The following SV2B variants were observed in gnomAD, a reference collection of about 807,000 sequenced individuals.
The protein encoded by SV2B is synaptic vesicle glycoprotein 2B, also known as solute carrier family 22 member B2.
In SV2B, 41 loss-of-function variants were observed where a neutral mutation model predicts 73.9. The ratio of observed to expected loss-of-function variants is 0.56; its 90% confidence interval spans 0.43 to 0.72. SV2B has a LOEUF of 0.72. Ranked by LOEUF, SV2B falls within the 30% of genes least tolerant of loss-of-function variation. The pLI, the probability that SV2B is intolerant of heterozygous loss-of-function variation, is 0.00. For missense variants in SV2B, 764 were observed against 857.8 expected, an observed-to-expected ratio of 0.89 and a Z score of 1.37; for synonymous variants, 314 against 314.2, an observed-to-expected ratio of 1.00 and a Z score of 0.01.
intron 1 of SV2B, among the ~76,000 whole-genome samples, chr15:91,166,505 A>G (rs911266429): frequency 2.0e-5 from 3 of 151,972 alleles, no homozygotes; most frequent in Non-Finnish European, 2.9e-5. Flanking sequence ...TTTGAAGAGT[A>G]TTTACTCATT....
At chr15:91,222,593 A>G (rs1402427109) in intron 1 of SV2B, among the ~76,000 whole-genome samples, 1 of 152,140 alleles carries the variant, frequency 6.6e-6, no homozygotes, top group Non-Finnish European at 1.5e-5. Flanking sequence ...CTCAGTGTCA[A>G]TGTGAGCTCT....
chr15:91,215,515 CA>C lies in SV2B; in HGVS notation c.-391-10357del, dbSNP rs910840573. 3.3e-5 allele frequency among the ~76,000 whole-genome samples: 5 copies of C among 152,258 alleles called. No homozygotes were observed. The South Asian group carries it at 6.2e-4, about 19-fold the overall frequency. Reference sequence around the variant, plus strand: ...AGAGAGAGAGAGAAAATACACTTTTCAGGGGGGAATTGGCAAACATTAACAT... The same window carrying C: ...AGAGAGAGAGAGAAAATACACTTTTCGGGGGGAATTGGCAAACATTAACAT... On this transcript the variant is annotated intron_variant, in intron 1 of 12. Coordinates refer to ENST00000394232, the MANE Select transcript of SV2B (RefSeq NM_001323032.3).
chr15:91,267,715 A>C lies in SV2B; in HGVS notation c.1208+72A>C. The C allele has an allele frequency of 8.1e-7, 1 of 1,233,006 alleles. No individual in the cohort carries two copies. Among genetic ancestry groups the C allele is most frequent in the Non-Finnish European group, 1.2e-6 (1 of 853,620 alleles). 76.4% of individuals were successfully genotyped at this position (1,233,006 alleles called of 1,614,324 possible). On this transcript the variant is annotated intron_variant, in intron 8 of 12. Transcript: ENST00000394232. The surrounding 1 kb of genome is among the most constrained non-coding windows in gnomAD (Gnocchi z 4.3). ...GCCTCCTTTACACATTGAGGATTACAGTGAGTTCTGACTTAGAATTTGTAT... is the reference window on the plus strand; with the variant it reads ...GCCTCCTTTACACATTGAGGATTACCGTGAGTTCTGACTTAGAATTTGTAT...
chr15:91,134,989 C>G (rs952368595), intron 1 of SV2B, among the ~76,000 whole-genome samples: 10 of 141,654 alleles, frequency 7.1e-5, no homozygotes, highest in African/African-American at 2.5e-4. Flanking sequence ...AACAGTATTT[C>G]TCAACCTTTT....
At position 91,103,975 on chromosome 15, in the gene SV2B, T is replaced by C. The variant is rs1454131441; in HGVS notation, c.-392+3612T>C. ...TGTGTGGCTTGGCTGGTGGGTCTTC[T>C]TCCTGCAGACCCCTGTCATAACAGC... On this transcript the variant is annotated intron_variant, in intron 1 of 12. Coordinates refer to ENST00000394232, the MANE Select transcript of SV2B (RefSeq NM_001323032.3). 2.6e-5 allele frequency among the ~76,000 whole-genome samples: 4 copies of C among 152,184 alleles called. No individual in the cohort carries two copies. The East Asian group carries it at 5.8e-4, about 22-fold the overall frequency.
At chr15:91,219,908 T>G (rs2046161037) in intron 1 of SV2B, among the ~76,000 whole-genome samples, 1 of 152,270 alleles carries the variant, frequency 6.6e-6, no homozygotes, top group Non-Finnish European at 1.5e-5. Flanking sequence ...TTTAGCTTCT[T>G]TCATTTGACG....
In SV2B at chr15:91,253,319, G is replaced by T. The variant is rs948129372; in HGVS notation, c.784+799G>T. Among the ~76,000 whole-genome samples, 1 of 152,182 alleles carries T rather than the reference G, an allele frequency of 6.6e-6. No individual in the cohort carries two copies. The highest frequency in any genetic ancestry group is 1.5e-5 in the Non-Finnish European group (1 of 68,034). On this transcript the variant is annotated intron_variant, in intron 4 of 12. Coordinates refer to ENST00000394232, the MANE Select transcript of SV2B (RefSeq NM_001323032.3). The surrounding 1 kb of genome is among the most constrained non-coding windows in gnomAD (Gnocchi z 5.0). The stretch of plus-strand genomic sequence containing the variant: ...CAGTGGTTTAGAATCCTCAGACCCC[G>T]AGGGGGTAGCAGACAGCTGCCCCTG...
rs2141177026 is a variant in SV2B at position 91,137,960 on chromosome 15, C to T, written c.-392+37597C>T. Reference sequence around the variant, plus strand: ...GGAATTTGCTCTTTATAGAAGTATTCCAGCTGACAAATGAAAAAACAGTGA... The same window carrying T: ...GGAATTTGCTCTTTATAGAAGTATTTCAGCTGACAAATGAAAAAACAGTGA... On this transcript the variant is annotated intron_variant, in intron 1 of 12. Transcript: ENST00000394232. The surrounding 1 kb of genome is among the most constrained non-coding windows in gnomAD (Gnocchi z 4.9). Among the ~76,000 whole-genome samples, 1 of 152,174 alleles carries T rather than the reference C, an allele frequency of 6.6e-6. No individual in the cohort carries two copies. The highest frequency in any genetic ancestry group is 1.5e-5 in the Non-Finnish European group (1 of 68,006).
intron 1 of SV2B, among the ~76,000 whole-genome samples, chr15:91,205,514 C>T (rs1425819196): frequency 6.6e-6 from 1 of 151,848 alleles, no homozygotes; most frequent in African/African-American, 2.4e-5. Flanking sequence ...TACAGGTGTG[C>T]ACCACCATGC....
At chr15:91,112,385 C>G (rs1314367460) in intron 1 of SV2B, among the ~76,000 whole-genome samples, 1 of 152,162 alleles carries the variant, frequency 6.6e-6, no homozygotes, top group East Asian at 1.9e-4. Flanking sequence ...AAGCAGACCA[C>G]AAGTTTGGTT....
chr15:91,272,495 T>G (rs1020779187), intron 9 of SV2B, among the ~76,000 whole-genome samples: 1 of 152,106 alleles, frequency 6.6e-6, no homozygotes, highest in African/African-American at 2.4e-5. Context: ...CAGGAAGTAA[T>G]GTCTTACTCC....
At position 91,129,878 on chromosome 15, in the gene SV2B, C is replaced by T. The variant is rs187009463; in HGVS notation, c.-392+29515C>T. On this transcript the variant is annotated intron_variant, in intron 1 of 12. Transcript: ENST00000394232. The surrounding 1 kb of genome is among the most constrained non-coding windows in gnomAD (Gnocchi z 5.1). ...AAGAGAGACAAGAAGAGTACTCATG[C>T]GGGGATCTCGGGAGGGTTAAGTGAG... 8.5e-5 allele frequency among the ~76,000 whole-genome samples: 13 copies of T among 152,198 alleles called. 2 individuals are homozygous for T. Among genetic ancestry groups the T allele is most frequent in the African/African-American group, 2.6e-4 (11 of 41,536 alleles).
chr15:91,209,114 GT>G (rs903531189), intron 1 of SV2B, among the ~76,000 whole-genome samples: 7,411 of 89,988 alleles, frequency 0.082, 117 homozygotes, highest in African/African-American at 0.17. Context: ...ACTGTTTTTT[GT>G]TTTTTTTTTT....
intron 4 of SV2B, among the ~76,000 whole-genome samples, chr15:91,256,777 C>A (rs901575511): frequency 6.6e-6 from 1 of 152,096 alleles, no homozygotes; most frequent in Admixed American, 6.5e-5. Flanking sequence ...ATTTCCACAC[C>A]GGGATTCCCT....
intron 1 of SV2B, among the ~76,000 whole-genome samples, chr15:91,162,492 C>G (rs917671733): frequency 2.6e-5 from 4 of 151,342 alleles, no homozygotes; most frequent in Non-Finnish European, 4.4e-5. Flanking sequence ...TCTTGTGTAA[C>G]AAATTACCAC....
chr15:91,286,973 GT>G, intron 11 of SV2B, among the ~76,000 whole-genome samples: 1 of 152,312 alleles, frequency 6.6e-6, no homozygotes, highest in South Asian at 2.1e-4. Flanking sequence ...GTTATGAAGT[GT>G]TTGCCAGCAT....
At chr15:91,101,144 T>C (rs2041711590) in intron 1 of SV2B, among the ~76,000 whole-genome samples, 1 of 151,862 alleles carries the variant, frequency 6.6e-6, no homozygotes. Flanking sequence ...GCAGCCCCAG[T>C]GGGGTGGGGT....
rs2046572250 is a variant in SV2B, at chr15:91,231,511, T to TA, written c.451+4800dup. On this transcript the variant is annotated intron_variant, in intron 2 of 12. Transcript: ENST00000394232. The surrounding 1 kb of genome is among the most constrained non-coding windows in gnomAD (Gnocchi z 4.5). ...CTTGTCTCCCTGGAGCTATTACTAT[T>TA]AAATGGCAAAAACTGCAATTACTTT... Among the ~76,000 whole-genome samples the TA allele has an allele frequency of 6.6e-6, 1 of 152,206 alleles. No homozygotes were observed. The highest frequency in any genetic ancestry group is 1.5e-5 in the Non-Finnish European group (1 of 68,036).
intron 1 of SV2B, among the ~76,000 whole-genome samples, chr15:91,149,380 G>A (rs2043241144): frequency 6.6e-6 from 1 of 152,232 alleles, no homozygotes; most frequent in Non-Finnish European, 1.5e-5. Flanking sequence ...TGGGTGATCC[G>A]TAAATGCTTC....
Sources: allele counts gnomAD v4.1 joint callset (sites outside exome capture counted in the v4.1 genomes callset), GRCh38; gene constraint gnomAD v4.1.1; non-coding constraint Gnocchi (gnomAD v3.1); transcripts MANE v1.5; gene names NCBI Gene and HGNC (gene_info 2026-07-23, HGNC 2026-07-21).